HPS4: variants seen among roughly 807,000 people sequenced by gnomAD.
HPS4 encodes the protein HPS4 biogenesis of lysosomal organelles complex 3 subunit 2.
In HPS4, 44 loss-of-function variants were observed where a neutral mutation model predicts 70.3. The ratio of observed to expected loss-of-function variants is 0.63; its 90% CI spans 0.49 to 0.80. The LOEUF (loss-of-function observed/expected upper bound fraction) is 0.80, where lower values mean the gene tolerates loss of function less well. HPS4 is among the 30% of genes least tolerant of loss of function. The probability of loss-of-function intolerance (pLI) is 0.00; values close to 1 mark genes in which losing one functional copy is unlikely to be tolerated. For synonymous variants in HPS4, 377 were observed against 355.9 expected (o/e 1.06, Z -0.67); for missense variants, 873 against 884.4 (o/e 0.99, Z 0.16).
chr22:26,464,906 C>A, intron 10 of HPS4, 80 bp from the exon 11 acceptor site: 1 of 1,356,198 alleles, frequency 7.4e-7, no homozygotes, highest in Non-Finnish European at 1.0e-6. Flanking sequence ...AAGACTAAAG[C>A]ACAGGCATCA....
Position 26,452,177 on chromosome 22 carries a change from A to T in HPS4, c.*1056T>A. ...AAAGACACCATATCATAAACATCAG[A>T]TATCAGTTCACTGACATGAAATTAT... On this transcript the variant is annotated 3_prime_UTR_variant, in exon 14 of 14. Transcript: ENST00000398145. 2.9e-6 allele frequency: 1 copy of T among 341,598 alleles called. No homozygotes were observed. The highest frequency in any genetic ancestry group is 7.9e-5 in the East Asian group (1 of 12,626). 21.2% of individuals were successfully genotyped at this position (341,598 alleles called of 1,614,324 possible).
In HPS4 at chr22:26,452,267, A is replaced by C; in HGVS notation, c.*966T>G. 9.2e-6 allele frequency: 4 copies of C among 434,692 alleles called. No individual in the cohort carries two copies. The Middle Eastern group carries it at 1.3e-3, about 146-fold the overall frequency. 26.9% of individuals were successfully genotyped at this position (434,692 alleles called of 1,614,324 possible). A position where few individuals can be genotyped will look rare whatever the true frequency, so the allele number is the denominator to read the frequency against. The stretch of plus-strand genomic sequence containing the variant: ...GTAAACATTCAGTTAAGATTTTGAC[A>C]AATATTTTCATCCTGCAGTCTGTCT... On this transcript the variant is annotated 3_prime_UTR_variant, in exon 14 of 14. Transcript: ENST00000398145.
intron 2 of HPS4, chr22:26,479,746 T>C (rs1602116112): frequency 1.1e-6 from 1 of 948,246 alleles, no homozygotes; most frequent in Non-Finnish European, 1.3e-6. Flanking sequence ...GCACTCCTCA[T>C]AAGTGCTGAG....
chr22:26,460,123 T>C (rs183562597), intron 11 of HPS4, among the ~76,000 whole-genome samples: 28 of 152,380 alleles, frequency 1.8e-4, no homozygotes, highest in African/African-American at 5.3e-4. Context: ...CTCAGTTTTG[T>C]ATCCTCAATG....
At chr22:26,448,240 T>A (rs1401289923), downstream of HPS4, among the ~76,000 whole-genome samples, 1 of 152,222 alleles carries the variant, frequency 6.6e-6, no homozygotes, top group African/African-American at 2.4e-5. Context: ...GGACCCTCCA[T>A]TTGCTGAGGG....
At chr22:26,473,525 T>G (rs1272233718) in intron 4 of HPS4, among the ~76,000 whole-genome samples, 1 of 152,158 alleles carries the variant, frequency 6.6e-6, no homozygotes. Context: ...CCCAGCACTT[T>G]GAGTGGATCA....
intron 13 of HPS4, chr22:26,453,618 G>C (rs937897105): frequency 1.6e-6 from 1 of 615,210 alleles, no homozygotes; most frequent in African/African-American, 1.8e-5. Flanking sequence ...GATGCTGGAA[G>C]AGTCCGTGGC....
At position 26,457,193 on chromosome 22, in the gene HPS4, ATGATC is replaced by A. The variant is rs1284784474; in HGVS notation, c.1955+661_1955+665del. On this transcript the variant is annotated intron_variant, in intron 13 of 13. Coordinates refer to ENST00000398145, the MANE Select transcript of HPS4 (RefSeq NM_022081.6). ...ATTTCCAAGCATTCTGCATGACTGT[ATGATC>A]AGCACGTATTACTTTTTTTTTTTTT... Among the ~76,000 whole-genome samples, 17 of 142,574 alleles carry A rather than the reference ATGATC, an allele frequency of 1.2e-4. No homozygotes were observed. In the East Asian group the frequency reaches 3.5e-3, roughly 29 times the overall value. 93.5% of individuals were successfully genotyped at this position (142,574 alleles called of 152,430 possible). A position where few individuals can be genotyped will look rare whatever the true frequency, so the allele number is the denominator to read the frequency against.
downstream of HPS4, among the ~76,000 whole-genome samples, chr22:26,447,945 C>T (rs1263038798): frequency 6.6e-6 from 1 of 152,206 alleles, no homozygotes; most frequent in African/African-American, 2.4e-5. Context: ...GCACTGTGCA[C>T]CCTACGAGGT....
intron 11 of HPS4, among the ~76,000 whole-genome samples, chr22:26,459,780 T>C (rs536754183): frequency 5.3e-5 from 8 of 152,340 alleles, no homozygotes; most frequent in African/African-American, 1.7e-4. Flanking sequence ...TTAAATGAAA[T>C]GACACATCCA....
intron 2 of HPS4, chr22:26,479,671 C>T: frequency 1.7e-6 from 2 of 1,205,156 alleles, no homozygotes; most frequent in Non-Finnish European, 2.1e-6. Flanking sequence ...AACTATACAA[C>T]CACATGGTCT....
intron 13 of HPS4, among the ~76,000 whole-genome samples, chr22:26,455,733 AT>A (rs2085997410): frequency 1.3e-5 from 2 of 151,540 alleles, no homozygotes; most frequent in Non-Finnish European, 2.9e-5. Flanking sequence ...ACTTATAATA[AT>A]AATAAAATTA....
intron 7 of HPS4, among the ~76,000 whole-genome samples, chr22:26,470,414 G>A (rs572696558): frequency 3.3e-5 from 5 of 152,346 alleles, no homozygotes; most frequent in South Asian, 4.1e-4. Context: ...TGCTGGCAAC[G>A]CTCGGGACTC....
chr22:26,472,426 A>G lies in HPS4; in HGVS notation c.385-8T>C. ...TTCTTCCTGAGAACAGTTCTAAAAC[A>G]GAAAGAGCCTCAGGTCAATATCTGA... is the stretch of plus-strand genomic sequence containing the variant. On this transcript the variant is annotated splice_polypyrimidine_tract_variant and splice_region_variant and intron_variant, in intron 5 of 13. Transcript: ENST00000398145. 1 of 1,522,778 alleles carries G rather than the reference A, an allele frequency of 6.6e-7. No individual in the cohort carries two copies. Among genetic ancestry groups the G allele is most frequent in the Non-Finnish European group, 9.1e-7 (1 of 1,096,656 alleles). 94.3% of individuals were successfully genotyped at this position (1,522,778 alleles called of 1,614,324 possible). A position where few individuals can be genotyped will look rare whatever the true frequency, so the allele number is the denominator to read the frequency against.
chr22:26,454,456 T>C (rs996004978), intron 13 of HPS4, among the ~76,000 whole-genome samples: 3 of 152,232 alleles, frequency 2.0e-5, no homozygotes, highest in Admixed American at 6.5e-5. Flanking sequence ...TTTTGTTTTG[T>C]TTTGTTTTAA....
intron 11 of HPS4, among the ~76,000 whole-genome samples, chr22:26,460,581 T>G (rs2146436098): frequency 6.6e-6 from 1 of 152,366 alleles, no homozygotes; most frequent in African/African-American, 2.4e-5. Flanking sequence ...CACGGAGCTT[T>G]GCTTCCAAAA....
chr22:26,479,225 C>A (rs745634294), intron 3 of HPS4, 40 bp downstream of exon 3: 9 of 1,609,682 alleles, frequency 5.6e-6, no homozygotes, highest in Non-Finnish European at 6.0e-6. Flanking sequence ...CTTGGAGGCA[C>A]TGGGATCCTC....
At chr22:26,460,609 A>T (rs748409771) in intron 11 of HPS4, among the ~76,000 whole-genome samples, 12 of 152,232 alleles carry the variant, frequency 7.9e-5, no homozygotes, top group Non-Finnish European at 1.6e-4. Context: ...CCTAACTTGC[A>T]CTCAAGATAG....
intron 13 of HPS4, among the ~76,000 whole-genome samples, chr22:26,457,322 T>G (rs1313638461): frequency 6.6e-6 from 1 of 150,956 alleles, no homozygotes; most frequent in Non-Finnish European, 1.5e-5. Flanking sequence ...GTTCAAGTGA[T>G]TCTCCTGCCT....
Sources: gnomAD v4.1 joint callset for allele counts (sites outside exome capture counted in the v4.1 genomes callset) on GRCh38, gnomAD v4.1.1 for gene constraint, MANE v1.5 for transcripts, NCBI Gene and HGNC (gene_info 2026-07-23, HGNC 2026-07-21) for gene names.